LRBA: variants seen among roughly 807,000 people sequenced by gnomAD.
LRBA encodes LPS responsive beige-like anchor protein.
In LRBA, 176 loss-of-function variants were observed where a neutral mutation model predicts 330.0. The observed-to-expected ratio is 0.53, with a 90% CI of 0.47 to 0.60. The LOEUF (loss-of-function observed/expected upper bound fraction) is 0.60. Ranked by LOEUF, LRBA falls within the 20% of genes least tolerant of loss-of-function variation. LRBA has a pLI of 0.00. For synonymous variants in LRBA, 1,230 were observed against 1,193.0 expected (o/e 1.03, Z -0.64); for missense variants, 3,259 against 3,444.8 (o/e 0.95, Z 1.35).
chr4:150,865,995 C>A (rs534717944), intron 22 of LRBA, among the ~76,000 whole-genome samples: 1 of 152,060 alleles, frequency 6.6e-6, no homozygotes, highest in Non-Finnish European at 1.5e-5. Context: ...GGATTACAGG[C>A]GTGAGCCACC....
intron 28 of LRBA, chr4:150,840,491 C>T (rs1748905460): frequency 6.6e-6 from 1 of 152,154 alleles, no homozygotes; most frequent in Non-Finnish European, 1.5e-5. Flanking sequence ...AATAGAGAGA[C>T]AGGGTAAAGG....
chr4:151,014,527 A>T lies in LRBA; in HGVS notation c.116T>A (p.Leu39His), dbSNP rs1345711760. 1 of 1,614,122 alleles carries T rather than the reference A, an allele frequency of 6.2e-7. No homozygotes were observed. The highest frequency in any genetic ancestry group is 1.3e-5 in the African/African-American group (1 of 75,056). ...EGGALSLKPGLPIRGIRMKFA... is the reference protein window; with the variant it reads ...EGGALSLKPGHPIRGIRMKFA... ...TTTCATTCTGATGCCCCTGATGGGG[A>T]GCCCTGGTTTCAGAGACAATGCACC... Residue 39 changes from leucine to histidine, a missense_variant, in exon 2 of 57, where the codon CTC becomes CAC. Leu to His is a moderately conservative substitution (Grantham distance 99). Coordinates refer to ENST00000651943, the MANE Select transcript of LRBA (RefSeq NM_001364905.1).
intron 48 of LRBA, among the ~76,000 whole-genome samples, chr4:150,348,735 A>G (rs891174660): frequency 6.6e-6 from 1 of 152,178 alleles, no homozygotes; most frequent in African/African-American, 2.4e-5. Flanking sequence ...AACAGAATAA[A>G]GTATTACGTT....
chr4:150,528,626 A>T (rs1445560188), intron 40 of LRBA, among the ~76,000 whole-genome samples: 1 of 152,058 alleles, frequency 6.6e-6, no homozygotes, highest in Admixed American at 6.6e-5. Context: ...TATTTTAGGC[A>T]GTAAGGTTGT....
intron 22 of LRBA, among the ~76,000 whole-genome samples, chr4:150,864,770 C>T (rs1276272884): frequency 6.6e-6 from 1 of 151,708 alleles, no homozygotes; most frequent in Non-Finnish European, 1.5e-5. Context: ...CCTCAGTCTC[C>T]CAAGTACCTG....
rs143707434 is a variant in LRBA at position 150,834,494 on chromosome 4, T to C, written c.4570-2518A>G. Among the ~76,000 whole-genome samples, 349 of 152,330 alleles carry C rather than the reference T, an allele frequency of 2.3e-3. 3 individuals carry two copies. The highest frequency in any genetic ancestry group is 1.2e-3 in the Non-Finnish European group (84 of 68,026). On this transcript the variant is annotated intron_variant, in intron 28 of 56. Coordinates refer to ENST00000651943, the MANE Select transcript of LRBA (RefSeq NM_001364905.1). ...GTTGGGTGACCAGGTTGATTATCAATGAGCAGTAATAATTTGAAAAGACTC... is the reference window on the plus strand; with the variant it reads ...GTTGGGTGACCAGGTTGATTATCAACGAGCAGTAATAATTTGAAAAGACTC...
chr4:150,735,335 C>A lies in LRBA; in HGVS notation c.5677G>T (p.Val1893Leu), dbSNP rs1430312205. 3.7e-6 allele frequency: 6 copies of A among 1,613,462 alleles called. No individual in the cohort carries two copies. The highest frequency in any genetic ancestry group is 5.1e-6 in the Non-Finnish European group (6 of 1,179,548). The change falls in exon 36 of 57, where the codon GTA becomes TTA. Residue 1893 changes from valine to leucine, a missense_variant. Val to Leu is a conservative substitution (Grantham distance 32). Coordinates refer to ENST00000651943, the MANE Select transcript of LRBA (RefSeq NM_001364905.1). The part of the protein sequence containing the change: ...LLSQTMKDHL[V>L]RVANEAEFIL... ...AATTCAGCTTCATTTGCTACTCTTACTAGATGATCCTTCATTGTCTGGCTA... is the reference window on the plus strand; with the variant it reads ...AATTCAGCTTCATTTGCTACTCTTAATAGATGATCCTTCATTGTCTGGCTA...
chr4:151,002,304 T>C (rs1020235680), intron 2 of LRBA, among the ~76,000 whole-genome samples: 4 of 150,000 alleles, frequency 2.7e-5, no homozygotes, highest in African/African-American at 9.8e-5. Flanking sequence ...CGGTAGCTCA[T>C]GCCTGTAATC....
At chr4:150,364,599 C>A (rs761121007) in intron 47 of LRBA, among the ~76,000 whole-genome samples, 9 of 152,184 alleles carry the variant, frequency 5.9e-5, no homozygotes, top group Non-Finnish European at 1.2e-4. Context: ...TTTAGAAATA[C>A]TAGTAACAAG....
intron 40 of LRBA, among the ~76,000 whole-genome samples, chr4:150,509,786 G>A (rs1202808567): frequency 1.3e-5 from 2 of 152,090 alleles, no homozygotes; most frequent in Non-Finnish European, 2.9e-5. Flanking sequence ...AAAGGATAAG[G>A]GGATATCATA....
At chr4:150,955,612 C>A (rs771558812) in intron 2 of LRBA, among the ~76,000 whole-genome samples, 3 of 148,050 alleles carry the variant, frequency 2.0e-5, no homozygotes, top group Non-Finnish European at 4.4e-5. Flanking sequence ...ATGACGTAGG[C>A]CGGGCGCCGT....
chr4:150,409,042 A>C (rs905102498), intron 47 of LRBA, among the ~76,000 whole-genome samples: 4 of 152,096 alleles, frequency 2.6e-5, no homozygotes, highest in Non-Finnish European at 4.4e-5. Context: ...CCTTATATGA[A>C]AATTGGGTCA....
Position 150,906,352 on chromosome 4 carries a change from T to C in LRBA, c.1547A>G (p.Gln516Arg), listed in dbSNP as rs1354448409. ...GCCCTTACAGGCAAGCATCTGTTCC[T>C]GCATAGCAATTGAGTTCTTCAACAA... ...MELLKNSIAMQEQMLACKGFL... is the reference protein window; with the variant it reads ...MELLKNSIAMREQMLACKGFL... The change falls in exon 12 of 57, where the codon CAG becomes CGG. Residue 516 changes from glutamine (Q) to arginine (R), a missense_variant. Coordinates refer to ENST00000651943, the MANE Select transcript of LRBA (RefSeq NM_001364905.1). The C allele has an allele frequency of 3.1e-6, 5 of 1,612,802 alleles. No homozygotes were observed. The highest frequency in any genetic ancestry group is 4.2e-6 in the Non-Finnish European group (5 of 1,179,138).
chr4:150,701,272 A>G (rs1412344885), intron 36 of LRBA, among the ~76,000 whole-genome samples: 1 of 152,184 alleles, frequency 6.6e-6, no homozygotes, highest in Admixed American at 6.5e-5. Context: ...ACCTCTTGAA[A>G]GACCTGACTG....
intron 48 of LRBA, among the ~76,000 whole-genome samples, chr4:150,334,749 G>GA (rs1388314972): frequency 1.4e-5 from 2 of 142,648 alleles, no homozygotes; most frequent in Admixed American, 7.0e-5. Context: ...TTTTCATTTT[G>GA]AAAAAATCTA....
chr4:150,783,111 G>A (rs1316170062), intron 34 of LRBA, among the ~76,000 whole-genome samples: 1 of 152,158 alleles, frequency 6.6e-6, no homozygotes, highest in Admixed American at 6.5e-5. Flanking sequence ...ATCACACCGA[G>A]CAATCTAACT....
chr4:150,747,136 T>C (rs1450292904), intron 35 of LRBA, among the ~76,000 whole-genome samples: 1 of 152,118 alleles, frequency 6.6e-6, no homozygotes, highest in African/African-American at 2.4e-5. Flanking sequence ...TCTCAAACAT[T>C]ACACCCTGTT....
intron 22 of LRBA, among the ~76,000 whole-genome samples, chr4:150,867,452 A>G (rs552785460): frequency 6.6e-6 from 1 of 152,370 alleles, no homozygotes; most frequent in East Asian, 1.9e-4. Context: ...AAAGATAAGT[A>G]CATGTAAAAA....
chr4:150,283,463 A>T (rs1747794833), intron 54 of LRBA, among the ~76,000 whole-genome samples: 2 of 152,156 alleles, frequency 1.3e-5, no homozygotes, highest in South Asian at 4.1e-4. Context: ...AAGTTCCAAG[A>T]GATAGTCAGA....
Sources: gnomAD v4.1 joint callset for allele counts (sites outside exome capture counted in the v4.1 genomes callset) on GRCh38, gnomAD v4.1.1 for gene constraint, MANE v1.5 for transcripts, NCBI Gene and HGNC (gene_info 2026-07-23, HGNC 2026-07-21) for gene names.